RADIL: variants seen among roughly 807,000 people sequenced by gnomAD.
The protein encoded by RADIL is ras-associating and dilute domain-containing protein.
RADIL carries 99 observed loss-of-function variants against 97.6 expected under a neutral mutation model. That is an observed-to-expected ratio of 1.01 (90% CI 0.86 to 1.20). The LOEUF (loss-of-function observed/expected upper bound fraction) is 1.20. Among genes scored for constraint, RADIL ranks in the 50% most tolerant of loss-of-function variants. The pLI, the probability that RADIL is intolerant of heterozygous loss-of-function variation, is 0.00. For synonymous variants in RADIL, 803 were observed against 691.8 expected (o/e 1.16, Z -2.52); for missense variants, 1,765 against 1,498.9 (o/e 1.18, Z -2.93).
chr7:4,833,206 T>A (rs929894019), intron 4 of RADIL, among the ~76,000 whole-genome samples: 1 of 152,200 alleles, frequency 6.6e-6, no homozygotes, highest in Non-Finnish European at 1.5e-5. Context: ...TCAGTTTCCC[T>A]GGCTGTGACA....
chr7:4,864,595 G>C (rs1322598855), intron 2 of RADIL, among the ~76,000 whole-genome samples: 1 of 152,122 alleles, frequency 6.6e-6, no homozygotes, highest in Non-Finnish European at 1.5e-5. Context: ...TCTCTCAGTA[G>C]TCTCCATTTT....
In RADIL at chr7:4,836,432, C is replaced by T. The variant is rs377030351; in HGVS notation, c.709G>A (p.Gly237Ser). Residue 237 changes from glycine to serine, a missense_variant, in exon 3 of 15, where the codon GGC becomes AGC. Transcript: ENST00000399583. ...AGCGAGTACCGCATGGCGTCGGGGCCGGGCTCCTCGGGGCCCTGGGCGGCA... is the reference window on the plus strand; with the variant it reads ...AGCGAGTACCGCATGGCGTCGGGGCTGGGCTCCTCGGGGCCCTGGGCGGCA... ...PAAAQGPEEP[G>S]PDAMRYSLYQ... The T allele has an allele frequency of 1.7e-5, 27 of 1,592,134 alleles. No individual in the cohort carries two copies. The highest frequency in any genetic ancestry group is 6.7e-5 in the African/African-American group (5 of 74,482).
intron 2 of RADIL, among the ~76,000 whole-genome samples, chr7:4,875,177 G>A (rs1344742652): frequency 7.5e-6 from 1 of 133,116 alleles, no homozygotes; most frequent in Non-Finnish European, 1.5e-5. Flanking sequence ...GGGCGACAGA[G>A]CGAGACTCCA....
At chr7:4,802,092 C>T (rs1030671458) in intron 11 of RADIL, 97 bp from the exon 12 acceptor site, 18 of 1,079,370 alleles carry the variant, frequency 1.7e-5, no homozygotes, top group Admixed American at 2.9e-5. Context: ...GCCGCCAGGC[C>T]GCGGGGCAGA....
chr7:4,878,784 G>A lies in RADIL; in HGVS notation c.-64-581C>T, dbSNP rs937658246. ...TGGGCGCAGCGCCCGTGTGCAGTGAGCATCAAGGAGCGCCCCACCCGGAGC... is the reference window on the plus strand; with the variant it reads ...TGGGCGCAGCGCCCGTGTGCAGTGAACATCAAGGAGCGCCCCACCCGGAGC... On this transcript the variant is annotated intron_variant, in intron 1 of 14. Transcript: ENST00000399583. This position sits in a 1 kb window ranked among gnomAD's most constrained non-coding sequence, Gnocchi z 4.1. 6.6e-6 allele frequency among the ~76,000 whole-genome samples: 1 copy of A among 152,236 alleles called. No individual in the cohort carries two copies. Among genetic ancestry groups the A allele is most frequent in the African/African-American group, 2.4e-5 (1 of 41,464 alleles).
intron 2 of RADIL, among the ~76,000 whole-genome samples, chr7:4,877,370 G>A (rs893505182): frequency 1.3e-5 from 2 of 152,364 alleles, no homozygotes; most frequent in Admixed American, 1.3e-4. Context: ...GAGCCCAGGA[G>A]GCTGCAGTGA....
In RADIL at chr7:4,878,882, C is replaced by T. The variant is rs1784426840; in HGVS notation, c.-64-679G>A. 6.6e-6 allele frequency among the ~76,000 whole-genome samples: 1 copy of T among 152,370 alleles called. No individual in the cohort carries two copies. The highest frequency in any genetic ancestry group is 2.1e-4 in the South Asian group (1 of 4,826). On this transcript the variant is annotated intron_variant, in intron 1 of 14. Coordinates refer to ENST00000399583, the MANE Select transcript of RADIL (RefSeq NM_018059.5). The surrounding 1 kb of genome is among the most constrained non-coding windows in gnomAD (Gnocchi z 4.1). The stretch of plus-strand genomic sequence containing the variant: ...GGCAAAGCTTCGCCTCTCCGTAAAC[C>T]TCGTGTCTCCTACCCCACAGGCTGC...
intron 12 of RADIL, among the ~76,000 whole-genome samples, chr7:4,800,888 T>C (rs780252148): frequency 2.2e-4 from 34 of 152,170 alleles, no homozygotes; most frequent in Non-Finnish European, 4.3e-4. Flanking sequence ...CAGGGGACAC[T>C]CTGACTCTGC....
intron 2 of RADIL, among the ~76,000 whole-genome samples, chr7:4,866,201 A>G (rs934707217): frequency 2.6e-5 from 4 of 152,138 alleles, no homozygotes; most frequent in Non-Finnish European, 5.9e-5. Flanking sequence ...GCTGGAGTGC[A>G]GTAGTGTGAT....
chr7:4,801,709 G>T lies in RADIL; in HGVS notation c.2786C>A (p.Ala929Glu), dbSNP rs373438367. 11 of 1,609,614 alleles carry T rather than the reference G, an allele frequency of 6.8e-6. No homozygotes were observed. The African/African-American group carries it at 1.3e-4, about 20-fold the overall frequency. Residue 929 changes from alanine (A) to glutamate (E), a missense_variant, in exon 12 of 15, where the codon GCG becomes GAG. Physicochemically the swap from Ala to Glu is moderately radical, Grantham distance 107. Coordinates refer to ENST00000399583, the MANE Select transcript of RADIL (RefSeq NM_018059.5). ...TCCGTTCCTCTGCCTCTCTGGGAGC[G>T]CTTTTCCACAGGGGCCGCCGGACTC... Reference protein sequence around the residue: ...WPESGGPCGKALPERQRNGLS... With the variant: ...WPESGGPCGKELPERQRNGLS...
At chr7:4,868,727 T>C (rs1225875687) in intron 2 of RADIL, among the ~76,000 whole-genome samples, 1 of 152,240 alleles carries the variant, frequency 6.6e-6, no homozygotes, top group African/African-American at 2.4e-5. Flanking sequence ...ATATCACCTA[T>C]CTTTTATCTA....
At position 4,816,319 on chromosome 7, in the gene RADIL, C is replaced by G. The variant is rs746863161; in HGVS notation, c.1875G>C (p.Gln625His). The change falls in exon 8 of 15, where the codon CAG (glutamine) becomes CAC (histidine). Residue 625 changes from glutamine (Q) to histidine (H), a missense_variant. Gln to His is a conservative substitution (Grantham distance 24). Transcript: ENST00000399583. ...VYQAALDLLR[Q>H]LQVHPEVASQ... ...AGGCCACCTCGGGGTGCACCTGCAG[C>G]TGCCGCAGGAGGTCCAGGGCTGCCT... is the stretch of plus-strand genomic sequence containing the variant. The G allele has an allele frequency of 1.9e-5, 30 of 1,612,474 alleles. No individual in the cohort carries two copies. The East Asian group carries it at 6.7e-4, about 36-fold the overall frequency.
At chr7:4,876,459 C>T (rs1252063029) in intron 2 of RADIL, among the ~76,000 whole-genome samples, 2 of 152,032 alleles carry the variant, frequency 1.3e-5, no homozygotes, top group African/African-American at 4.8e-5. Flanking sequence ...TGCCACCACG[C>T]CCGGCTAATT....
chr7:4,842,558 G>A lies in RADIL; in HGVS notation c.536-5953C>T, dbSNP rs576091129. ...GAAACTGGACAAGCAGCTGGTGACC[G>A]TCACCAGCTCCCACGGACTCTGAAC... On this transcript the variant is annotated intron_variant, in intron 2 of 14. Coordinates refer to ENST00000399583, the MANE Select transcript of RADIL (RefSeq NM_018059.5). The surrounding 1 kb of genome is among the most constrained non-coding windows in gnomAD (Gnocchi z 4.5). Among the ~76,000 whole-genome samples, 14 of 152,192 alleles carry A rather than the reference G, an allele frequency of 9.2e-5. No individual in the cohort carries two copies. Among genetic ancestry groups the A allele is most frequent in the African/African-American group, 2.9e-4 (12 of 41,526 alleles).
chr7:4,845,875 C>T (rs564356629), intron 2 of RADIL, among the ~76,000 whole-genome samples: 2 of 152,302 alleles, frequency 1.3e-5, no homozygotes, highest in African/African-American at 2.4e-5. Flanking sequence ...CGGGGCTGTG[C>T]CGAGGAGAGA....
chr7:4,861,764 G>T (rs1164646145), intron 2 of RADIL: 2 of 1,487,480 alleles, frequency 1.3e-6, no homozygotes, highest in African/African-American at 2.8e-5. Flanking sequence ...ATTCGGCGGC[G>T]GCGCCGGCTG....
intron 2 of RADIL, chr7:4,861,734 G>A (rs749392738): frequency 3.3e-6 from 5 of 1,520,250 alleles, no homozygotes; most frequent in African/African-American, 2.8e-5. Flanking sequence ...TAGACTGATA[G>A]GCGAGGAGAC....
At position 4,814,486 on chromosome 7, in the gene RADIL, G is replaced by C. The variant is rs190833690; in HGVS notation, c.2139+792C>G. Among the ~76,000 whole-genome samples, 276 of 152,076 alleles carry C rather than the reference G, an allele frequency of 1.8e-3. 3 individuals are homozygous for C. The highest frequency in any genetic ancestry group is 6.8e-3 in the Middle Eastern group (2 of 294). On this transcript the variant is annotated intron_variant, in intron 9 of 14. Coordinates refer to ENST00000399583, the MANE Select transcript of RADIL (RefSeq NM_018059.5). The surrounding 1 kb of genome is among the most constrained non-coding windows in gnomAD (Gnocchi z 4.5). ...TGTTCAGCGTTTTCCAGGCAGGAGA[G>C]GAAACCATCGGTCTATTTCCATTAA...
chr7:4,827,333 C>A (rs1243429271), intron 5 of RADIL, among the ~76,000 whole-genome samples: 1 of 147,544 alleles, frequency 6.8e-6, no homozygotes, highest in African/African-American at 2.5e-5. Flanking sequence ...CCAGTGCACT[C>A]CAGCGTAGAC....
Sources: allele counts gnomAD v4.1 joint callset (sites outside exome capture counted in the v4.1 genomes callset), GRCh38; gene constraint gnomAD v4.1.1; non-coding constraint Gnocchi (gnomAD v3.1); transcripts MANE v1.5; gene names NCBI Gene and HGNC (gene_info 2026-07-23, HGNC 2026-07-21).